The following PRDM10 variants were observed in gnomAD, a reference collection of about 807,000 sequenced individuals.
The protein encoded by PRDM10 is PR/SET domain 10.
Under a neutral mutation model 133.1 loss-of-function variants are expected in PRDM10, and 65 were observed. The ratio of observed to expected loss-of-function variants is 0.49; its 90% CI spans 0.40 to 0.60. PRDM10 has a LOEUF of 0.60. Ranked by LOEUF, PRDM10 falls within the 20% of genes least tolerant of loss-of-function variation. The pLI is 0.00. For missense variants in PRDM10, 1,137 were observed against 1,507.1 expected, an observed-to-expected ratio of 0.75 and a Z score of 4.07; for synonymous variants, 582 against 580.4, an observed-to-expected ratio of 1.00 and a Z score of -0.04.
At position 129,914,857 on chromosome 11, in the gene PRDM10, G is replaced by A. The variant is rs375699368; in HGVS notation, c.2688C>T (p.Thr896=). 27 of 1,613,994 alleles carry A rather than the reference G, an allele frequency of 1.7e-5. No individual in the cohort carries two copies. Among genetic ancestry groups the A allele is most frequent in the Non-Finnish European group, 2.3e-5 (27 of 1,180,020 alleles). Residue 896 remains threonine, a synonymous_variant, in exon 17 of 21, where the codon ACC becomes ACT. Transcript: ENST00000360871. Reference sequence around the variant, plus strand: ...TCTGGGACAGTTCTGTCATTGCTTGGGTGAGCAGGTCCGTCGTCACCACAG... The same window carrying A: ...TCTGGGACAGTTCTGTCATTGCTTGAGTGAGCAGGTCCGTCGTCACCACAG... The part of the protein sequence containing the change: ...GETVVTTDLL[T]QAMTELSQTL...
At position 129,935,174 on chromosome 11, in the gene PRDM10, G is replaced by T. The variant is rs200490102; in HGVS notation, c.1084C>A (p.Arg362Ser). 6.2e-7 allele frequency: 1 copy of T among 1,613,826 alleles called. No individual in the cohort carries two copies. The highest frequency in any genetic ancestry group is 1.3e-5 in the African/African-American group (1 of 74,872). Residue 362 changes from arginine (R) to serine (S), a missense_variant, in exon 9 of 21, where the codon CGC becomes AGC. Coordinates refer to ENST00000360871, the MANE Select transcript of PRDM10 (RefSeq NM_199437.2). Reference sequence around the variant, plus strand: ...AACTGCTCCGAGCTTATAAATCGGCGGTTACATTCATAGCAGGGCCAATTC... The same window carrying T: ...AACTGCTCCGAGCTTATAAATCGGCTGTTACATTCATAGCAGGGCCAATTC... ...EKNWPCYECNRRFISSEQLQQ... is the reference protein window; with the variant it reads ...EKNWPCYECNSRFISSEQLQQ...
Position 129,986,192 on chromosome 11 carries a change from G to A in PRDM10, c.-119+16530C>T, listed in dbSNP as rs113685063. Among the ~76,000 whole-genome samples the A allele has an allele frequency of 3.5e-3, 530 of 151,524 alleles. 2 individuals carry two copies. Among genetic ancestry groups the A allele is most frequent in the African/African-American group, 0.012 (508 of 40,934 alleles). ...TGGAAATCACACATAGTGCTCCCTT[G>A]TGTAGCAGGCTGTGGCAAGTCCTTG... On this transcript the variant is annotated intron_variant, in intron 1 of 20. Coordinates refer to ENST00000360871, the MANE Select transcript of PRDM10 (RefSeq NM_199437.2).
rs372430295 is a variant in PRDM10, at chr11:129,923,439, C to T, written c.1879-36G>A. 2.9e-5 allele frequency: 46 copies of T among 1,580,106 alleles called. No homozygotes were observed. The highest frequency in any genetic ancestry group is 3.9e-5 in the Non-Finnish European group (45 of 1,162,142). ...GAACCACAGGAAAATTCAGGGGACG[C>T]AGGCACCAAATGAAATGACCAAAGG... is the stretch of plus-strand genomic sequence containing the variant. On this transcript the variant is annotated intron_variant, in intron 12 of 20. Coordinates refer to ENST00000360871, the MANE Select transcript of PRDM10 (RefSeq NM_199437.2). This position sits in a 1 kb window ranked among gnomAD's most constrained non-coding sequence, Gnocchi z 4.4.
rs1565464200 is a variant in PRDM10, at chr11:129,923,687, A to AGAGAGAGAGAGG, written c.1879-285_1879-284insCCTCTCTCTCTC. The stretch of plus-strand genomic sequence containing the variant: ...GAGAGAGAGAGAGAGAGAGAGAGAG[A>AGAGAGAGAGAGG]GAGAGAGTGCTTGCTTGGTCAAAGC... On this transcript the variant is annotated intron_variant, in intron 12 of 20. Transcript: ENST00000360871. The surrounding 1 kb of genome is among the most constrained non-coding windows in gnomAD (Gnocchi z 4.4). Among the ~76,000 whole-genome samples, 28 of 145,198 alleles carry AGAGAGAGAGAGG rather than the reference A, an allele frequency of 1.9e-4. No homozygotes were observed. Among genetic ancestry groups the AGAGAGAGAGAGG allele is most frequent in the African/African-American group, 6.6e-4 (25 of 37,724 alleles).
At chr11:129,991,103 C>T (rs1938717977) in intron 1 of PRDM10, among the ~76,000 whole-genome samples, 1 of 152,130 alleles carries the variant, frequency 6.6e-6, no homozygotes. Flanking sequence ...TCACTGCTAA[C>T]ATAAAGTGGG....
chr11:129,900,205 C>T lies in PRDM10; in HGVS notation c.*2108G>A, dbSNP rs1047200740. On this transcript the variant is annotated 3_prime_UTR_variant, in exon 21 of 21. Transcript: ENST00000360871. The stretch of plus-strand genomic sequence containing the variant: ...ATTTGCCATCTCTTCAAATCCAGGT[C>T]CTTTTAAAAATCTATGACCTTGGAA... 2.0e-5 allele frequency: 3 copies of T among 152,194 alleles called. No homozygotes were observed. Among genetic ancestry groups the T allele is most frequent in the Admixed American group, 2.0e-4 (3 of 15,268 alleles). The allele number at this position is 152,194 out of a possible 1,614,324, so 9.4% of individuals were successfully genotyped here. A position where few individuals can be genotyped will look rare whatever the true frequency, so the allele number is the denominator to read the frequency against.
In PRDM10 at chr11:129,945,058, T is replaced by C; in HGVS notation, c.521-46A>G. ...TGAAGAAAAGTCCAATTCCTCAGTG[T>C]GACTTGATGTGAGGTAAAAAATTCT... On this transcript the variant is annotated intron_variant, in intron 5 of 20. Coordinates refer to ENST00000360871, the MANE Select transcript of PRDM10 (RefSeq NM_199437.2). This position sits in a 1 kb window ranked among gnomAD's most constrained non-coding sequence, Gnocchi z 4.2. 2 of 1,590,656 alleles carry C rather than the reference T, an allele frequency of 1.3e-6. No individual in the cohort carries two copies. The highest frequency in any genetic ancestry group is 1.2e-5 in the South Asian group (1 of 86,350).
In PRDM10 at chr11:129,945,932, T is replaced by A. The variant is rs117944304; in HGVS notation, c.521-920A>T. On this transcript the variant is annotated intron_variant, in intron 5 of 20. Coordinates refer to ENST00000360871, the MANE Select transcript of PRDM10 (RefSeq NM_199437.2). This position sits in a 1 kb window ranked among gnomAD's most constrained non-coding sequence, Gnocchi z 4.2. ...ATTTTCTGTGCATTTGACTTAGGAG[T>A]TGCCTCAAAAATGTAAGAATTTTTC... Among the ~76,000 whole-genome samples, 11 of 152,108 alleles carry A rather than the reference T, an allele frequency of 7.2e-5. No individual in the cohort carries two copies. Among genetic ancestry groups the A allele is most frequent in the Non-Finnish European group, 1.5e-4 (10 of 68,010 alleles).
intron 11 of PRDM10, among the ~76,000 whole-genome samples, chr11:129,930,198 A>G (rs1022833067): frequency 6.6e-5 from 10 of 152,248 alleles, no homozygotes; most frequent in African/African-American, 2.4e-4. Flanking sequence ...AAGCCTGGGA[A>G]GTTATACAAA....
intron 9 of PRDM10, 59 bp downstream of exon 9, chr11:129,935,042 T>C (rs1950983981): frequency 3.5e-6 from 5 of 1,427,542 alleles, no homozygotes; most frequent in East Asian, 4.6e-5. Context: ...GTGGACAATA[T>C]AGAAATGATT....
chr11:129,939,919 G>A (rs1320701814), intron 7 of PRDM10, among the ~76,000 whole-genome samples: 2 of 152,224 alleles, frequency 1.3e-5, no homozygotes, highest in Admixed American at 6.5e-5. Context: ...AAGGTGATCA[G>A]TGGCTTGAGG....
chr11:129,994,907 C>A (rs569465097), intron 1 of PRDM10, among the ~76,000 whole-genome samples: 1 of 152,298 alleles, frequency 6.6e-6, no homozygotes, highest in South Asian at 2.1e-4. Flanking sequence ...CCTGCCTCGG[C>A]CTCCCAAAGT....
At position 129,915,600 on chromosome 11, in the gene PRDM10, C is replaced by G. The variant is rs980817549; in HGVS notation, c.2526+60G>C. The G allele has an allele frequency of 1.1e-5, 16 of 1,504,380 alleles. No individual in the cohort carries two copies. In the African/African-American group the frequency reaches 2.2e-4, roughly 21 times the overall value. 93.2% of individuals were successfully genotyped at this position (1,504,380 alleles called of 1,614,324 possible). A position where few individuals can be genotyped will look rare whatever the true frequency, so the allele number is the denominator to read the frequency against. On this transcript the variant is annotated intron_variant, in intron 16 of 20. Transcript: ENST00000360871. Reference sequence around the variant, plus strand: ...GCCATGTGGATGAGAAGCCACCTTTCCTTAAGAGATTCCTCGCATGGCGGT... The same window carrying G: ...GCCATGTGGATGAGAAGCCACCTTTGCTTAAGAGATTCCTCGCATGGCGGT...
At chr11:129,911,778 T>C (rs145648443) in intron 18 of PRDM10, among the ~76,000 whole-genome samples, 1 of 152,210 alleles carries the variant, frequency 6.6e-6, no homozygotes, top group African/African-American at 2.4e-5. Flanking sequence ...ACCATAATAC[T>C]CCAGAAAGCC....
intron 1 of PRDM10, among the ~76,000 whole-genome samples, chr11:129,966,321 T>C (rs79389740): frequency 2.3e-3 from 344 of 152,316 alleles, no homozygotes; most frequent in African/African-American, 7.7e-3. Flanking sequence ...CTACATGTTA[T>C]GTATTTCATC....
chr11:129,956,988 C>T (rs1207206547), intron 3 of PRDM10, among the ~76,000 whole-genome samples: 1 of 152,102 alleles, frequency 6.6e-6, no homozygotes, highest in East Asian at 1.9e-4. Context: ...AAGTCACTGG[C>T]AAAAAATAAA....
chr11:129,925,415 A>G (rs1225648465), intron 11 of PRDM10, among the ~76,000 whole-genome samples, 186 bp from the exon 12 acceptor site: 2 of 151,512 alleles, frequency 1.3e-5, no homozygotes, highest in Admixed American at 6.5e-5. Flanking sequence ...GCCATCCTCA[A>G]AGAAGCTCAT....
chr11:129,925,749 G>A (rs543818505), intron 11 of PRDM10, among the ~76,000 whole-genome samples: 2 of 152,114 alleles, frequency 1.3e-5, no homozygotes, highest in Non-Finnish European at 2.9e-5. Flanking sequence ...AGAACTGAAG[G>A]GTAGTCCTTG....
rs181253410 is a variant in PRDM10, at chr11:129,918,415, C to T, written c.2214+124G>A. 2 of 1,213,816 alleles carry T rather than the reference C, an allele frequency of 1.6e-6. No homozygotes were observed. Among genetic ancestry groups the T allele is most frequent in the Non-Finnish European group, 2.2e-6 (2 of 918,610 alleles). The allele number at this position is 1,213,816 out of a possible 1,614,324, so 75.2% of individuals were successfully genotyped here. On this transcript the variant is annotated intron_variant, in intron 14 of 20. Coordinates refer to ENST00000360871, the MANE Select transcript of PRDM10 (RefSeq NM_199437.2). This position sits in a 1 kb window ranked among gnomAD's most constrained non-coding sequence, Gnocchi z 5.3. Reference sequence around the variant, plus strand: ...GAATCGTTTGCCTCTGTTTCTTCCCCTGGACATTGACAAAACCATTGATCG... The same window carrying T: ...GAATCGTTTGCCTCTGTTTCTTCCCTTGGACATTGACAAAACCATTGATCG...
Sources: allele counts gnomAD v4.1 joint callset (sites outside exome capture counted in the v4.1 genomes callset), GRCh38; gene constraint gnomAD v4.1.1; non-coding constraint Gnocchi (gnomAD v3.1); transcripts MANE v1.5; gene names NCBI Gene and HGNC (gene_info 2026-07-23, HGNC 2026-07-21).